TMEM175: variants seen among roughly 807,000 people sequenced by gnomAD.
The protein encoded by TMEM175 is endosomal/lysosomal proton channel TMEM175.
In TMEM175, 36 loss-of-function variants were observed where a neutral mutation model predicts 36.5. That is an observed-to-expected ratio of 0.99 (90% CI 0.76 to 1.30). The LOEUF is 1.30. Among genes scored for constraint, TMEM175 ranks in the 50% most tolerant of loss-of-function variants. TMEM175 has a pLI of 0.00. For synonymous variants in TMEM175, 339 were observed against 313.4 expected, an observed-to-expected ratio of 1.08 and a Z score of -0.86; for missense variants, 705 against 692.8, an observed-to-expected ratio of 1.02 and a Z score of -0.20.
intron 6 of TMEM175, 39 bp from the exon 7 acceptor site, chr4:952,328 A>C: frequency 6.3e-7 from 1 of 1,582,112 alleles, no homozygotes; most frequent in Non-Finnish European, 8.6e-7. Context: ...CTGGTAACCT[A>C]GGATTTGGGG....
At position 941,376 on chromosome 4, in the gene TMEM175, C is replaced by CA. The variant is rs567941043; in HGVS notation, c.-31-6313dup. The stretch of plus-strand genomic sequence containing the variant: ...GGGTAGCAAGAGCGAAACTCTGTCT[C>CA]AAAAAAAAAAAAAAAAAAAAGAAAC... On this transcript the variant is annotated intron_variant, in intron 1 of 10. Coordinates refer to ENST00000264771, the MANE Select transcript of TMEM175 (RefSeq NM_032326.4). 1.6e-3 allele frequency among the ~76,000 whole-genome samples: 166 copies of CA among 104,746 alleles called. 1 individual carries two copies. The highest frequency in any genetic ancestry group is 3.1e-3 in the African/African-American group (85 of 27,714). The allele number at this position is 104,746 out of a possible 152,430, so 68.7% of individuals were successfully genotyped here.
intron 3 of TMEM175, among the ~76,000 whole-genome samples, chr4:949,268 C>A (rs1172263027): frequency 6.6e-6 from 1 of 152,230 alleles, no homozygotes; most frequent in Non-Finnish European, 1.5e-5. Context: ...TGAACCTAAA[C>A]CTGCTCCGAC....
chr4:938,531 A>G (rs190083797), intron 1 of TMEM175, among the ~76,000 whole-genome samples: 1 of 152,244 alleles, frequency 6.6e-6, no homozygotes, highest in African/African-American at 2.4e-5. Context: ...AATCGGATAG[A>G]ATCTATAAAA....
rs761470941 is a variant in TMEM175, at chr4:942,784, C to T, written c.-31-4925C>T. ...CCTCCTGAGTAGCTGGGACTACAGGCGCACACCACTACGTCCAGCTAATTT... is the reference window on the plus strand; with the variant it reads ...CCTCCTGAGTAGCTGGGACTACAGGTGCACACCACTACGTCCAGCTAATTT... On this transcript the variant is annotated intron_variant, in intron 1 of 10. Transcript: ENST00000264771. Among the ~76,000 whole-genome samples, 94 of 151,956 alleles carry T rather than the reference C, an allele frequency of 6.2e-4. 4 individuals carry two copies. Among genetic ancestry groups the T allele is most frequent in the Non-Finnish European group, 2.6e-4 (18 of 67,982 alleles).
In TMEM175 at chr4:957,824, C is replaced by G. The variant is rs759865505; in HGVS notation, c.843C>G (p.Cys281Trp). The G allele has an allele frequency of 6.2e-7, 1 of 1,601,724 alleles. No homozygotes were observed. The highest frequency in any genetic ancestry group is 1.7e-5 in the Admixed American group (1 of 59,338). ...AAATGCATCTATTCACTGTTCTCAGCGAAGACAACGTCCCGGACCCCAAGG... is the reference window on the plus strand; with the variant it reads ...AAATGCATCTATTCACTGTTCTCAGGGAAGACAACGTCCCGGACCCCAAGG... ...IVATLLILDI[C>W]EDNVPDPKDV... Residue 281 changes from cysteine (C) to tryptophan (W), a missense_variant and splice_region_variant, in exon 11 of 11, where the codon TGC becomes TGG. Physicochemically the swap from Cys to Trp is radical, Grantham distance 215 (BLOSUM62 -2). Transcript: ENST00000264771.
At chr4:952,480 G>C (rs1729033275) in intron 7 of TMEM175, 30 bp downstream of exon 7, 3 of 125,028 alleles carry the variant, frequency 2.4e-5, no homozygotes, top group Non-Finnish European at 3.8e-5. Flanking sequence ...TGCACTGTGT[G>C]TGTGTGTGTG....
At position 951,708 on chromosome 4, in the gene TMEM175, G is replaced by GC; in HGVS notation, c.371dup (p.Tyr125LeufsTer11). The GC allele has an allele frequency of 1.2e-6, 2 of 1,614,096 alleles. No homozygotes were observed. The highest frequency in any genetic ancestry group is 1.7e-6 in the Non-Finnish European group (2 of 1,180,002). On this transcript the variant is annotated frameshift_variant, in exon 6 of 11. Coordinates refer to ENST00000264771, the MANE Select transcript of TMEM175 (RefSeq NM_032326.4). LOFTEE classifies it high-confidence loss of function. ...CCTGCATGATGACCATCACCTTCCT[G>GC]CCTTACACGGTGAGCAACACCAGGC...
At chr4:951,998 G>T (rs1266361714) in intron 6 of TMEM175, 2 of 588,698 alleles carry the variant, frequency 3.4e-6, no homozygotes, top group African/African-American at 3.7e-5. Context: ...TGTCCCTGGC[G>T]TGCAGCCCCT....
Position 958,656 on chromosome 4 carries a change from A to G in TMEM175, c.*160A>G, listed in dbSNP as rs1278788277. 4.7e-6 allele frequency: 3 copies of G among 635,904 alleles called. No individual in the cohort carries two copies. The highest frequency in any genetic ancestry group is 6.8e-5 in the Admixed American group (2 of 29,330). 39.4% of individuals were successfully genotyped at this position (635,904 alleles called of 1,614,324 possible). ...ATCATGCTCTTATTTCAGTCCTCAA[A>G]TTGTTCTCCACTTTTTGCGGAGAGA... On this transcript the variant is annotated 3_prime_UTR_variant, in exon 11 of 11. Coordinates refer to ENST00000264771, the MANE Select transcript of TMEM175 (RefSeq NM_032326.4).
chr4:947,302 G>A (rs374668681), intron 1 of TMEM175, among the ~76,000 whole-genome samples: 53 of 151,516 alleles, frequency 3.5e-4, no homozygotes, highest in African/African-American at 1.2e-3. Context: ...CCAGGCACGT[G>A]TGCACGGGCC....
In TMEM175 at chr4:958,181, C is replaced by T. The variant is rs867304463; in HGVS notation, c.1200C>T (p.His400=). 6.2e-7 allele frequency: 1 copy of T among 1,603,858 alleles called. No homozygotes were observed. The highest frequency in any genetic ancestry group is 8.5e-7 in the Non-Finnish European group (1 of 1,179,078). ...QLAMWTTALL[H]QAETLQPSVW... ...CCATGTGGACCACGGCGCTGCTGCA[C>T]CAGGCGGAGACGCTGCAGCCCTCGG... Residue 400 remains histidine, a synonymous_variant, in exon 11 of 11, where the codon CAC becomes CAT. Transcript: ENST00000264771.
chr4:958,150 AGCTGGCCATGTGGACCACGGCGCT>A lies in TMEM175; in HGVS notation c.1174_1197del (p.Ala392_Leu399del). The A allele has an allele frequency of 6.2e-7, 1 of 1,603,326 alleles. No homozygotes were observed. The highest frequency in any genetic ancestry group is 1.3e-5 in the African/African-American group (1 of 75,030). ...ATCATCTTCCTGGCCAGCATCTTCC[AGCTGGCCATGTGGACCACGGCGCT>A]GCTGCACCAGGCGGAGACGCTGCAG... On this transcript the variant is annotated inframe_deletion, in exon 11 of 11. Coordinates refer to ENST00000264771, the MANE Select transcript of TMEM175 (RefSeq NM_032326.4).
At chr4:947,651 G>T (rs55933917) in intron 1 of TMEM175, 58 bp from the exon 2 acceptor site, 39,051 of 1,432,418 alleles carry the variant, frequency 0.027, 634 homozygotes, top group South Asian at 0.041. Context: ...GGCTGAGGCT[G>T]CATGGCCGAC....
intron 10 of TMEM175, chr4:956,452 T>G (rs1469378152): frequency 1.6e-6 from 2 of 1,280,476 alleles, no homozygotes; most frequent in Non-Finnish European, 2.0e-6. Flanking sequence ...GGTTTTTTTT[T>G]TTTTTTTTTT....
chr4:951,526 A>G, intron 5 of TMEM175, 156 bp from the exon 6 acceptor site: 2 of 963,802 alleles, frequency 2.1e-6, no homozygotes, highest in Non-Finnish European at 3.2e-6. Context: ...GAGTGCCCCC[A>G]TCTGGCCCTG....
rs1028009931 is a variant in TMEM175, at chr4:932,483, G to T, written c.-89G>T. 3 of 485,006 alleles carry T rather than the reference G, an allele frequency of 6.2e-6. No individual in the cohort carries two copies. The highest frequency in any genetic ancestry group is 4.2e-5 in the South Asian group (1 of 23,770). The allele number at this position is 485,006 out of a possible 1,614,324, so 30.0% of individuals were successfully genotyped here. ...ATGAACTTCCGGCTGTCAAGCTCCC[G>T]GCCGGGCTGACTCAAGCGGAGGCGC... On this transcript the variant is annotated 5_prime_UTR_variant, in exon 1 of 11. Transcript: ENST00000264771. The surrounding 1 kb of genome is among the most constrained non-coding windows in gnomAD (Gnocchi z 4.0).
chr4:952,511 TG>T, intron 7 of TMEM175, 61 bp downstream of exon 7: 1 of 1,292,324 alleles, frequency 7.7e-7, no homozygotes, highest in Non-Finnish European at 1.1e-6. Flanking sequence ...TGTGTGTGTG[TG>T]TGTGTGATCA....
At chr4:953,576 G>A (rs1015991625) in intron 8 of TMEM175, among the ~76,000 whole-genome samples, 3 of 152,244 alleles carry the variant, frequency 2.0e-5, no homozygotes, top group East Asian at 3.8e-4. Flanking sequence ...GGACAGAGAC[G>A]GACGCTCATC....
intron 10 of TMEM175, chr4:956,155 C>CA (rs1729606446): frequency 1.5e-6 from 1 of 687,860 alleles, no homozygotes; most frequent in Admixed American, 3.3e-5. Context: ...GTGAGGTCAG[C>CA]ACCAGCAGCC....
Sources: gnomAD v4.1 joint callset for allele counts (sites outside exome capture counted in the v4.1 genomes callset) on GRCh38, gnomAD v4.1.1 for gene constraint, Gnocchi (gnomAD v3.1) non-coding constraint, MANE v1.5 for transcripts, NCBI Gene and HGNC (gene_info 2026-07-23, HGNC 2026-07-21) for gene names.